TSHZ3: variants seen among roughly 807,000 people sequenced by gnomAD.
The protein encoded by TSHZ3 is teashirt zinc finger homeobox 3, also known as teashirt homolog 3.
In TSHZ3, 10 loss-of-function variants were observed where a neutral mutation model predicts 64.5. That is an observed-to-expected ratio of 0.16 (90% CI 0.10 to 0.26). TSHZ3 has a LOEUF of 0.26. Ranked by LOEUF, TSHZ3 falls within the 10% of genes least tolerant of loss-of-function variation. The pLI, the probability that TSHZ3 is intolerant of heterozygous loss-of-function variation, is 1.00. For synonymous variants in TSHZ3, 608 were observed against 593.1 expected, an observed-to-expected ratio of 1.03 and a Z score of -0.36; for missense variants, 1,242 against 1,421.7, an observed-to-expected ratio of 0.87 and a Z score of 2.03.
chr19:31,203,985 G>A (rs115371422), intron 5 of TSHZ3, among the ~76,000 whole-genome samples: 1,817 of 152,146 alleles, frequency 0.012, 42 homozygotes, highest in African/African-American at 0.04. Flanking sequence ...AAATCATGGC[G>A]GAAGGTGAAG....
At position 31,276,965 on chromosome 19, in the gene TSHZ3, A is replaced by G; in HGVS notation, c.2828T>C (p.Met943Thr). 1 of 1,614,124 alleles carries G rather than the reference A, an allele frequency of 6.2e-7. No individual in the cohort carries two copies. The highest frequency in any genetic ancestry group is 8.5e-7 in the Non-Finnish European group (1 of 1,179,950). ...MHISRFTGLS[M>T]TTISHWLANV... ...GGCCAGCCAGTGGCTGATGGTGGTCATGGACAGCCCGGTGAACCTGGAGAT... is the reference window on the plus strand; with the variant it reads ...GGCCAGCCAGTGGCTGATGGTGGTCGTGGACAGCCCGGTGAACCTGGAGAT... The change falls in exon 2 of 2, where the codon ATG becomes ACG. Residue 943 changes from methionine (M) to threonine (T), a missense_variant. By Grantham distance (81) the Met-to-Thr change is moderately conservative. This residue lies in a region of TSHZ3 where 550 missense variants were observed against 545.1 expected (regional missense o/e 1.01). Transcript: ENST00000240587.
intron 1 of TSHZ3, among the ~76,000 whole-genome samples, chr19:31,338,847 T>C (rs1917339094): frequency 9.3e-6 from 1 of 107,788 alleles, no homozygotes; most frequent in Admixed American, 9.6e-5. Flanking sequence ...TTCTTTTTTC[T>C]TTTTTTTCCA....
chr19:31,261,383 G>T (rs566392469), intron 1 of TSHZ3, among the ~76,000 whole-genome samples: 2 of 152,158 alleles, frequency 1.3e-5, no homozygotes, highest in Non-Finnish European at 2.9e-5. Context: ...AAGAAGCACC[G>T]ATAGGCAAAG....
intron 1 of TSHZ3, among the ~76,000 whole-genome samples, chr19:31,293,982 G>A (rs1178094598): frequency 6.6e-6 from 1 of 152,146 alleles, no homozygotes; most frequent in Non-Finnish European, 1.5e-5. Flanking sequence ...GACTTCCCAT[G>A]CATCTCTTCA....
rs113458988 is a variant in TSHZ3, at chr19:31,193,114, G to C, written n.809+11842C>G. Among the ~76,000 whole-genome samples, 308 of 152,274 alleles carry C rather than the reference G, an allele frequency of 2.0e-3. 1 individual carries two copies. Among genetic ancestry groups the C allele is most frequent in the African/African-American group, 7.1e-3 (294 of 41,546 alleles). ...TGATGAAAGGGAGACGTGTGAAAGA[G>C]AAAGGATCTTCTCTTGTCATTGCTA... On this transcript the variant is annotated intron_variant and non_coding_transcript_variant, in intron 5 of 6. Coordinates refer to the TSHZ3 transcript ENST00000651361.
At chr19:31,176,807 A>AAAC (rs532962741) in intron 5 of TSHZ3, among the ~76,000 whole-genome samples, 4 of 151,986 alleles carry the variant, frequency 2.6e-5, no homozygotes, top group South Asian at 2.1e-4. Flanking sequence ...AAATACTGAA[A>AAAC]AACAACAACA....
intron 1 of TSHZ3, among the ~76,000 whole-genome samples, chr19:31,300,397 G>A (rs2145141317): frequency 6.6e-6 from 1 of 152,296 alleles, no homozygotes; most frequent in Non-Finnish European, 1.5e-5. Flanking sequence ...ATAGATCAGG[G>A]CAGTTTAATT....
At chr19:31,150,681 C>T (rs1333978191) in exon 7 of TSHZ3, among the ~76,000 whole-genome samples, 2 of 152,196 alleles carry the variant, frequency 1.3e-5, no homozygotes, top group African/African-American at 4.8e-5. Context: ...TCAATCCTCT[C>T]TGCCATTGGG....
intron 5 of TSHZ3, chr19:31,195,832 GAC>G (rs1192275292): frequency 6.6e-6 from 1 of 151,944 alleles, no homozygotes; most frequent in Admixed American, 6.6e-5. Flanking sequence ...TGTGTATACA[GAC>G]ACATATAATC....
intron 1 of TSHZ3, among the ~76,000 whole-genome samples, chr19:31,308,963 A>G (rs990180633): frequency 6.6e-6 from 1 of 152,212 alleles, no homozygotes; most frequent in Non-Finnish European, 1.5e-5. Flanking sequence ...ATGACAGGCC[A>G]CCAGCCTGCC....
intron 1 of TSHZ3, among the ~76,000 whole-genome samples, chr19:31,337,728 C>CACACACACAG (rs1917293736): frequency 1.3e-5 from 2 of 150,458 alleles, no homozygotes; most frequent in South Asian, 4.2e-4. Context: ...TAAACACACA[C>CACACACACAG]ACACACACAC....
At chr19:31,258,019 T>G (rs1975935162) in intron 1 of TSHZ3, among the ~76,000 whole-genome samples, 1 of 152,068 alleles carries the variant, frequency 6.6e-6, no homozygotes, top group African/African-American at 2.4e-5. Context: ...GGCACCCAGT[T>G]AAGGGGGTGA....
intron 4 of TSHZ3, among the ~76,000 whole-genome samples, chr19:31,216,717 A>C (rs1975337199): frequency 6.6e-6 from 1 of 152,054 alleles, no homozygotes; most frequent in Non-Finnish European, 1.5e-5. Flanking sequence ...GCTCACTGCA[A>C]GCTCTGCCTC....
chr19:31,181,838 C>A (rs945033978), intron 5 of TSHZ3, among the ~76,000 whole-genome samples: 2 of 152,120 alleles, frequency 1.3e-5, no homozygotes, highest in African/African-American at 4.8e-5. Context: ...AAAATTGCCA[C>A]CTCGTTGTGG....
At chr19:31,203,403 G>A (rs1410250260) in intron 5 of TSHZ3, among the ~76,000 whole-genome samples, 1 of 152,100 alleles carries the variant, frequency 6.6e-6, no homozygotes, top group East Asian at 1.9e-4. Context: ...GGAAATTGTG[G>A]AGCATGTTTA....
intron 1 of TSHZ3, among the ~76,000 whole-genome samples, chr19:31,280,759 G>C (rs574775517): frequency 5.2e-5 from 8 of 152,386 alleles, no homozygotes; most frequent in African/African-American, 1.9e-4. Context: ...TCCCACGCAG[G>C]TGGAGGGCAG....
chr19:31,310,690 C>A (rs903512365), intron 1 of TSHZ3, among the ~76,000 whole-genome samples: 2 of 152,214 alleles, frequency 1.3e-5, no homozygotes, highest in Non-Finnish European at 2.9e-5. Flanking sequence ...ATCTTCTGTT[C>A]TGTCCTGAGC....
At chr19:31,193,899 G>A (rs1294862272) in intron 5 of TSHZ3, among the ~76,000 whole-genome samples, 2 of 152,226 alleles carry the variant, frequency 1.3e-5, no homozygotes, top group African/African-American at 4.8e-5. Flanking sequence ...AAATAGTAAT[G>A]TTTTCTGGTT....
At position 31,278,885 on chromosome 19, in the gene TSHZ3, A is replaced by G. The variant is rs754908096; in HGVS notation, c.908T>C (p.Val303Ala). Reference sequence around the variant, plus strand: ...AGGAGTGACGGGTTCCTTCAGAGGCACTTTTTGGTAGTGTTTTGTTTTGAT... The same window carrying G: ...AGGAGTGACGGGTTCCTTCAGAGGCGCTTTTTGGTAGTGTTTTGTTTTGAT... Reference protein sequence around the residue: ...HMIKTKHYQKVPLKEPVTPVA... With the variant: ...HMIKTKHYQKAPLKEPVTPVA... The change falls in exon 2 of 2, where the codon GTG (valine) becomes GCG (alanine). Residue 303 changes from valine to alanine, a missense_variant. Around this residue, in one of 4 missense-constraint regions of TSHZ3, gnomAD observed 555 missense variants for 704.0 expected, o/e 0.79. Transcript: ENST00000240587. The surrounding 1 kb of genome is among the most constrained non-coding windows in gnomAD (Gnocchi z 4.7). The G allele has an allele frequency of 6.2e-7, 1 of 1,614,018 alleles. No individual in the cohort carries two copies. The highest frequency in any genetic ancestry group is 1.7e-5 in the Admixed American group (1 of 59,998).
Sources: allele counts gnomAD v4.1 joint callset (sites outside exome capture counted in the v4.1 genomes callset), GRCh38; gene constraint gnomAD v4.1.1; regional missense constraint gnomAD v4.1.1; non-coding constraint Gnocchi (gnomAD v3.1); transcripts MANE v1.5; gene names NCBI Gene and HGNC (gene_info 2026-07-23, HGNC 2026-07-21).